MIPEP: variants seen among roughly 807,000 people sequenced by gnomAD.
MIPEP encodes mitochondrial intermediate peptidase.
In MIPEP, 79 loss-of-function variants were observed where a neutral mutation model predicts 90.3. The ratio of observed to expected loss-of-function variants is 0.87; its 90% CI spans 0.73 to 1.05. The LOEUF is 1.05. MIPEP is among the 50% of genes least tolerant of loss of function. MIPEP has a pLI of 0.00. For synonymous variants in MIPEP, 334 were observed against 315.8 expected, an observed-to-expected ratio of 1.06 and a Z score of -0.61; for missense variants, 940 against 905.6, an observed-to-expected ratio of 1.04 and a Z score of -0.49.
chr13:23,862,734 A>G (rs1870361009), intron 8 of MIPEP, among the ~76,000 whole-genome samples: 1 of 152,222 alleles, frequency 6.6e-6, no homozygotes, highest in Admixed American at 6.5e-5. Context: ...GAATTTTATC[A>G]TTGGCTACAT....
At chr13:23,846,149 C>T (rs1869527961) in intron 10 of MIPEP, among the ~76,000 whole-genome samples, 1 of 152,134 alleles carries the variant, frequency 6.6e-6, no homozygotes, top group Non-Finnish European at 1.5e-5. Context: ...CCTTGACCTC[C>T]TGATCTGTCT....
rs181053554 is a variant in MIPEP at position 23,752,357 on chromosome 13, G to A, written c.2044+4188C>T. On this transcript the variant is annotated intron_variant, in intron 18 of 18. Coordinates refer to ENST00000382172, the MANE Select transcript of MIPEP (RefSeq NM_005932.4). The stretch of plus-strand genomic sequence containing the variant: ...TAATTCTACCAGTCTATTTGCTGTA[G>A]TAAGAAACAATTCTGCTTCCTAGTG... 3.6e-3 allele frequency among the ~76,000 whole-genome samples: 548 copies of A among 152,270 alleles called. 2 individuals carry two copies. Among genetic ancestry groups the A allele is most frequent in the African/African-American group, 0.013 (533 of 41,540 alleles).
At chr13:23,791,491 C>T (rs546753490) in intron 16 of MIPEP, among the ~76,000 whole-genome samples, 2 of 152,266 alleles carry the variant, frequency 1.3e-5, no homozygotes, top group African/African-American at 2.4e-5. Context: ...AGGACTTCCA[C>T]AACACCATCT....
chr13:23,855,524 A>C (rs1365501634), intron 10 of MIPEP, among the ~76,000 whole-genome samples: 2 of 152,208 alleles, frequency 1.3e-5, no homozygotes, highest in African/African-American at 2.4e-5. Context: ...TCTTTACTTG[A>C]AAGGTGATGA....
chr13:23,828,142 A>G (rs1868554796), intron 14 of MIPEP, among the ~76,000 whole-genome samples: 1 of 152,216 alleles, frequency 6.6e-6, no homozygotes, highest in South Asian at 2.1e-4. Context: ...AATACCCATT[A>G]ATGATTTAAA....
intron 16 of MIPEP, among the ~76,000 whole-genome samples, chr13:23,779,818 C>A (rs1219790755): frequency 6.6e-6 from 1 of 152,216 alleles, no homozygotes; most frequent in Non-Finnish European, 1.5e-5. Flanking sequence ...ATATCCCGCG[C>A]CTGGCTCAGA....
chr13:23,861,371 C>T (rs9652081), intron 9 of MIPEP, among the ~76,000 whole-genome samples: 81,889 of 151,918 alleles, frequency 0.54, 22,254 homozygotes, highest in South Asian at 0.72. Flanking sequence ...ATCTGGTTTC[C>T]CAAATAAGCC....
chr13:23,742,147 C>T (rs954078873), intron 18 of MIPEP, among the ~76,000 whole-genome samples: 4 of 152,178 alleles, frequency 2.6e-5, no homozygotes, highest in South Asian at 2.1e-4. Context: ...TATCTGGTTC[C>T]GCATGGTATC....
At chr13:23,831,522 C>A (rs1868764231) in intron 14 of MIPEP, among the ~76,000 whole-genome samples, 3 of 152,152 alleles carry the variant, frequency 2.0e-5, no homozygotes, top group Admixed American at 2.0e-4. Flanking sequence ...GACTGGGCAA[C>A]ACATCCGGCA....
chr13:23,816,926 C>G (rs1041904405), intron 14 of MIPEP, among the ~76,000 whole-genome samples: 8 of 152,320 alleles, frequency 5.3e-5, no homozygotes, highest in Admixed American at 5.2e-4. Context: ...TAAAGTGTTA[C>G]TGATCTCTTC....
At chr13:23,843,627 T>C (rs983366113) in intron 10 of MIPEP, among the ~76,000 whole-genome samples, 3 of 152,174 alleles carry the variant, frequency 2.0e-5, no homozygotes, top group African/African-American at 4.8e-5. Context: ...ACAGCTTCTG[T>C]AGGCCATAGG....
chr13:23,755,832 T>C (rs1021628220), intron 18 of MIPEP, among the ~76,000 whole-genome samples: 3 of 152,014 alleles, frequency 2.0e-5, no homozygotes, highest in Non-Finnish European at 4.4e-5. Context: ...AAAACAAATC[T>C]AACCCAATGC....
intron 1 of MIPEP, chr13:23,888,164 C>T: frequency 2.4e-6 from 1 of 418,622 alleles, no homozygotes. Flanking sequence ...AATCAGGCTT[C>T]CCCTCACGTC....
intron 17 of MIPEP, among the ~76,000 whole-genome samples, chr13:23,757,228 G>T (rs1334490639): frequency 6.6e-6 from 1 of 151,902 alleles, no homozygotes; most frequent in Non-Finnish European, 1.5e-5. Context: ...CTTGTGAGAG[G>T]ATCATAAGGA....
chr13:23,819,864 C>A (rs1424489241), intron 14 of MIPEP, among the ~76,000 whole-genome samples: 1 of 152,002 alleles, frequency 6.6e-6, no homozygotes, highest in Admixed American at 6.6e-5. Flanking sequence ...CAAAAATTAG[C>A]CAGGTGTGGT....
intron 11 of MIPEP, among the ~76,000 whole-genome samples, chr13:23,840,536 C>G (rs1490570485): frequency 6.6e-6 from 1 of 152,184 alleles, no homozygotes; most frequent in Non-Finnish European, 1.5e-5. Context: ...TTATCAATCT[C>G]TATCTTTTTT....
At position 23,756,547 on chromosome 13, in the gene MIPEP, T is replaced by G. The variant is rs1952492765; in HGVS notation, c.2042A>C (p.Glu681Ala). The change falls in exon 18 of 19, where the codon GAA (glutamate) becomes GCA (alanine). Residue 681 changes from glutamate to alanine, a missense_variant and splice_region_variant. Glu to Ala is a moderately radical substitution (Grantham distance 107). Transcript: ENST00000382172. ...GTGCCATTTTGGTTTTGTTTTACCTTCAACCATGAGCATGGGCTCCCTGCC... is the reference window on the plus strand; with the variant it reads ...GTGCCATTTTGGTTTTGTTTTACCTGCAACCATGAGCATGGGCTCCCTGCC... ...GGGREPMLMV[E>A]GMLQKCPSVD... 1.2e-6 allele frequency: 2 copies of G among 1,613,866 alleles called. No individual in the cohort carries two copies. Among genetic ancestry groups the G allele is most frequent in the Non-Finnish European group, 8.5e-7 (1 of 1,179,884 alleles).
chr13:23,775,719 A>G (rs1362766137), intron 16 of MIPEP, among the ~76,000 whole-genome samples: 1 of 152,218 alleles, frequency 6.6e-6, no homozygotes, highest in African/African-American at 2.4e-5. Flanking sequence ...CCAAAACAAA[A>G]ACAAAAACCA....
In MIPEP at chr13:23,854,313, T is replaced by C. The variant is rs186572415; in HGVS notation, c.1106+4547A>G. On this transcript the variant is annotated intron_variant, in intron 10 of 18. Transcript: ENST00000382172. ...AATTTTTTCTTTGTTCTTTTTCTTT[T>C]GACTGAGCCATCCATTTCCTATTTG... 2.4e-3 allele frequency among the ~76,000 whole-genome samples: 366 copies of C among 151,944 alleles called. 1 individual carries two copies. Among genetic ancestry groups the C allele is most frequent in the Non-Finnish European group, 3.9e-3 (264 of 67,976 alleles).
Sources: allele counts gnomAD v4.1 joint callset (sites outside exome capture counted in the v4.1 genomes callset), GRCh38; gene constraint gnomAD v4.1.1; transcripts MANE v1.5; gene names NCBI Gene and HGNC (gene_info 2026-07-23, HGNC 2026-07-21).